Variants in UNC79 observed in about 807,000 individuals in gnomAD.
UNC79 encodes the protein protein unc-79 homolog.
In UNC79, 37 loss-of-function variants were observed where a neutral mutation model predicts 283.1. The observed-to-expected ratio is 0.13, with a 90% CI of 0.10 to 0.17. UNC79 has a LOEUF of 0.17. Ranked by LOEUF, UNC79 falls within the 10% of genes least tolerant of loss-of-function variation. The pLI, the probability that UNC79 is intolerant of heterozygous loss-of-function variation, is 1.00. For missense variants in UNC79, 2,272 were observed against 3,211.1 expected (o/e 0.71, Z 7.07); for synonymous variants, 1,107 against 1,200.2 (o/e 0.92, Z 1.61).
At chr14:93,668,862 A>AG (rs2072506920) in intron 40 of UNC79, among the ~76,000 whole-genome samples, 2 of 151,324 alleles carry the variant, frequency 1.3e-5, no homozygotes, top group South Asian at 2.1e-4. Flanking sequence ...AAAAAAAAAA[A>AG]AAAATTATCC....
At chr14:93,649,805 C>T (rs993728566) in intron 35 of UNC79, among the ~76,000 whole-genome samples, 1 of 152,128 alleles carries the variant, frequency 6.6e-6, no homozygotes, top group African/African-American at 2.4e-5. Flanking sequence ...CCATATTGTA[C>T]ATTGACGATG....
intron 37 of UNC79, among the ~76,000 whole-genome samples, chr14:93,654,238 C>A (rs1009508972): frequency 6.6e-6 from 1 of 152,076 alleles, no homozygotes; most frequent in African/African-American, 2.4e-5. Context: ...TGCCTATAAT[C>A]CCAGCACTTT....
intron 7 of UNC79, among the ~76,000 whole-genome samples, chr14:93,511,167 G>A (rs1177303132): frequency 6.6e-6 from 1 of 152,078 alleles, no homozygotes; most frequent in Non-Finnish European, 1.5e-5. Context: ...ACTATTATGA[G>A]AACAGCAAAG....
chr14:93,663,266 T>A (rs1013477777), intron 40 of UNC79, among the ~76,000 whole-genome samples: 4 of 152,216 alleles, frequency 2.6e-5, no homozygotes, highest in Non-Finnish European at 5.9e-5. Flanking sequence ...GTAGAACCCC[T>A]GGCCCACTAC....
chr14:93,704,751 C>T (rs1331150463), intron 48 of UNC79, 85 bp downstream of exon 51: 1 of 1,496,698 alleles, frequency 6.7e-7, no homozygotes, highest in Non-Finnish European at 9.3e-7. Context: ...GCTCCATTTA[C>T]TATGGAGAAG....
chr14:93,357,963 A>C (rs569696375), intron 1 of UNC79, among the ~76,000 whole-genome samples: 10 of 134,604 alleles, frequency 7.4e-5, no homozygotes, highest in East Asian at 6.1e-4. Flanking sequence ...ATCTATATAT[A>C]TCCATATATA....
chr14:93,490,059 TGTAAGAAG>T (rs2058648945), intron 5 of UNC79, among the ~76,000 whole-genome samples: 1 of 152,162 alleles, frequency 6.6e-6, no homozygotes, highest in South Asian at 2.1e-4. Context: ...AATTTTACAA[TGTAAGAAG>T]GTGCCTTGTG....
chr14:93,668,978 T>TAAAAAAAAAAAA (rs543609091), intron 40 of UNC79, among the ~76,000 whole-genome samples: 1 of 79,896 alleles, frequency 1.3e-5, no homozygotes, highest in Non-Finnish European at 2.5e-5. Context: ...GAACATTGTC[T>TAAAAAAAAAAAA]AAAAAAAAAA....
At chr14:93,335,669 A>G (rs2053563413) in intron 1 of UNC79, among the ~76,000 whole-genome samples, 1 of 152,228 alleles carries the variant, frequency 6.6e-6, no homozygotes, top group Admixed American at 6.5e-5. Context: ...TCGAAAGGAC[A>G]TGTAAATTGG....
intron 1 of UNC79, among the ~76,000 whole-genome samples, chr14:93,337,275 G>A (rs1759245194): frequency 6.6e-6 from 1 of 152,226 alleles, no homozygotes; most frequent in Non-Finnish European, 1.5e-5. Flanking sequence ...TTGGGTCTTG[G>A]CTCCTCTGAG....
chr14:93,612,914 A>G, exon 27 of UNC79: 1 of 1,614,110 alleles, frequency 6.2e-7, no homozygotes, highest in Non-Finnish European at 8.5e-7. Context: ...ATGGCCAAGG[A>G]TGAAAGCAGC....
chr14:93,586,583 T>TA lies in UNC79; in HGVS notation c.2804-12dup, dbSNP rs1566714507. The TA allele has an allele frequency of 3.1e-6, 5 of 1,608,020 alleles. No homozygotes were observed. Among genetic ancestry groups the TA allele is most frequent in the Non-Finnish European group, 1.7e-6 (2 of 1,177,582 alleles). ...AGAGTTAGCCTAATTTTTGTGTAAT[T>TA]ATTTCTTCACAGCAGTAAAGAATGA... On this transcript the variant is annotated splice_polypyrimidine_tract_variant and intron_variant, in intron 20 of 48. Transcript: ENST00000555664.
At chr14:93,587,730 A>G (rs950013373) in intron 22 of UNC79, among the ~76,000 whole-genome samples, 9 of 152,216 alleles carry the variant, frequency 5.9e-5, no homozygotes, top group African/African-American at 1.7e-4. Context: ...GGTCTTCATA[A>G]TAACCCCAAG....
chr14:93,617,241 C>G lies in UNC79; in HGVS notation c.4161C>G (p.Leu1387=). The G allele has an allele frequency of 1.9e-6, 3 of 1,614,244 alleles. No individual in the cohort carries two copies. The highest frequency in any genetic ancestry group is 2.5e-6 in the Non-Finnish European group (3 of 1,180,042). Reference sequence around the variant, plus strand: ...TCCAACAGCCGCCTCGTTGCTCCCTCTGGTCCCTAAAGCCTCACATCCGGC... The same window carrying G: ...TCCAACAGCCGCCTCGTTGCTCCCTGTGGTCCCTAAAGCCTCACATCCGGC... The change falls in exon 28 of 49, where the codon CTC becomes CTG. Residue 1387 remains leucine, a synonymous_variant. Transcript: ENST00000555664. The surrounding 1 kb of genome is among the most constrained non-coding windows in gnomAD (Gnocchi z 4.5).
At chr14:93,495,287 A>G (rs943371291) in intron 5 of UNC79, among the ~76,000 whole-genome samples, 2 of 152,218 alleles carry the variant, frequency 1.3e-5, no homozygotes, top group Non-Finnish European at 2.9e-5. Flanking sequence ...ATCATGGTAG[A>G]AGGTGAAGGG....
At chr14:93,389,350 A>G (rs928489136) in intron 1 of UNC79, among the ~76,000 whole-genome samples, 2 of 152,206 alleles carry the variant, frequency 1.3e-5, no homozygotes, top group African/African-American at 4.8e-5. Context: ...GAAATCTGGA[A>G]AGAAAAAACA....
At chr14:93,416,654 C>G (rs1362377749) in intron 1 of UNC79, among the ~76,000 whole-genome samples, 1 of 152,090 alleles carries the variant, frequency 6.6e-6, no homozygotes, top group African/African-American at 2.4e-5. Context: ...GTGTGGGAGT[C>G]TAAGTCTCTT....
exon 29 of UNC79, chr14:93,618,302 A>G (rs201491209): frequency 6.8e-6 from 11 of 1,614,082 alleles, no homozygotes; most frequent in Non-Finnish European, 7.6e-6. Flanking sequence ...CCACGGCAGG[A>G]CCTTTGTACA....
upstream of UNC79, among the ~76,000 whole-genome samples, chr14:93,428,949 G>T (rs974690813): frequency 6.6e-6 from 1 of 152,130 alleles, no homozygotes; most frequent in Non-Finnish European, 1.5e-5. Flanking sequence ...ACTCAGTAAC[G>T]GGAGGGTTAA....
Sources: allele counts gnomAD v4.1 joint callset (sites outside exome capture counted in the v4.1 genomes callset), GRCh38; gene constraint gnomAD v4.1.1; non-coding constraint Gnocchi (gnomAD v3.1); transcripts MANE v1.5; gene names NCBI Gene and HGNC (gene_info 2026-07-23, HGNC 2026-07-21).